RAB31: variants seen among roughly 807,000 people sequenced by gnomAD.
RAB31 encodes ras-related protein Rab-31.
A neutral mutation model predicts 25.6 loss-of-function variants in RAB31; 21 were observed. The ratio of observed to expected loss-of-function variants is 0.82; its 90% CI spans 0.58 to 1.18. The LOEUF (loss-of-function observed/expected upper bound fraction) is 1.18, where lower values mean the gene tolerates loss of function less well. RAB31 is among the 50% of genes most tolerant of loss of function. RAB31 has a pLI of 0.00. For missense variants in RAB31, 196 were observed against 250.1 expected, an observed-to-expected ratio of 0.78 and a Z score of 1.46; for synonymous variants, 87 against 84.0, an observed-to-expected ratio of 1.04 and a Z score of -0.20.
chr18:9,732,072 C>T (rs759349871), intron 1 of RAB31, among the ~76,000 whole-genome samples: 27 of 152,316 alleles, frequency 1.8e-4, no homozygotes, highest in Admixed American at 7.8e-4. Flanking sequence ...GGATGAGCAG[C>T]GAGAAACGAT....
Position 9,814,068 on chromosome 18 carries a change from A to G in RAB31, c.250A>G (p.Ile84Val), listed in dbSNP as rs1473744941. 6 of 1,588,992 alleles carry G rather than the reference A, an allele frequency of 3.8e-6. No homozygotes were observed. Among genetic ancestry groups the G allele is most frequent in the Non-Finnish European group, 5.2e-6 (6 of 1,162,982 alleles). Residue 84 changes from isoleucine to valine, a missense_variant, in exon 4 of 7, where the codon ATC (isoleucine) becomes GTC (valine). Ile to Val is a conservative substitution (Grantham distance 29). Transcript: ENST00000578921. ...CTATCGAGGCTCAGCTGCAGCTGTTATCGTGTATGATATTACCAAGCAGGT... is the reference window on the plus strand; with the variant it reads ...CTATCGAGGCTCAGCTGCAGCTGTTGTCGTGTATGATATTACCAAGCAGGT... The part of the protein sequence containing the change: ...MYYRGSAAAV[I>V]VYDITKQDSF...
intron 1 of RAB31, among the ~76,000 whole-genome samples, chr18:9,770,270 C>G (rs1326452843): frequency 1.3e-5 from 2 of 152,168 alleles, no homozygotes; most frequent in African/African-American, 2.4e-5. Context: ...ATGTTAGCAG[C>G]TCCTCCTTGT....
chr18:9,805,463 T>C (rs2068535485), intron 3 of RAB31, among the ~76,000 whole-genome samples: 1 of 152,030 alleles, frequency 6.6e-6, no homozygotes, highest in South Asian at 2.1e-4. Context: ...ATTTTAAATC[T>C]CTCTCCCACT....
At position 9,857,711 on chromosome 18, in the gene RAB31, GAT is replaced by G. The variant is rs2068825762; in HGVS notation, c.491-1515_491-1514del. 1.2e-4 allele frequency among the ~76,000 whole-genome samples: 18 copies of G among 151,180 alleles called. No individual in the cohort carries two copies. In the East Asian group the frequency reaches 3.5e-3, roughly 29 times the overall value. Reference sequence around the variant, plus strand: ...TGATAGATAGATAGATAGATAGATAGATAGATAGATAGATAGATATAGATATT... The same window carrying G: ...TGATAGATAGATAGATAGATAGATAGAGATAGATAGATAGATATAGATATT... On this transcript the variant is annotated intron_variant, in intron 6 of 6. Transcript: ENST00000578921.
intron 2 of RAB31, among the ~76,000 whole-genome samples, chr18:9,779,511 G>A (rs2068391152): frequency 6.6e-6 from 1 of 152,332 alleles, no homozygotes; most frequent in South Asian, 2.1e-4. Context: ...TTTCACTGCT[G>A]GTTGCCAGCC....
intron 3 of RAB31, among the ~76,000 whole-genome samples, chr18:9,799,195 G>C (rs1364505152): frequency 2.0e-5 from 3 of 152,218 alleles, no homozygotes; most frequent in African/African-American, 7.2e-5. Context: ...GGGATTATAG[G>C]CGTGAGCCAC....
At chr18:9,764,187 A>AT (rs1442956089) in intron 1 of RAB31, among the ~76,000 whole-genome samples, 3 of 152,286 alleles carry the variant, frequency 2.0e-5, no homozygotes, top group Middle Eastern at 6.8e-3. Flanking sequence ...TGGAGTGGGG[A>AT]TTGCCTGTAC....
rs774315978 is a variant in RAB31, at chr18:9,845,803, G to A, written c.490+112G>A. ...AACTTTTCCTCTGTGTGAATTTATC[G>A]GATGCCATGGATACAAAATCTACAG... On this transcript the variant is annotated intron_variant, in intron 6 of 6. Transcript: ENST00000578921. 8.2e-4 allele frequency: 1,135 copies of A among 1,383,698 alleles called. 1 individual carries two copies. The highest frequency in any genetic ancestry group is 1.0e-3 in the Non-Finnish European group (1,091 of 1,064,712). 85.7% of individuals were successfully genotyped at this position (1,383,698 alleles called of 1,614,324 possible).
At chr18:9,798,392 T>C (rs951697095) in intron 3 of RAB31, among the ~76,000 whole-genome samples, 2 of 152,242 alleles carry the variant, frequency 1.3e-5, no homozygotes, top group African/African-American at 2.4e-5. Context: ...GTGCTTGTAA[T>C]GATGTTGCCT....
At chr18:9,796,037 A>G (rs1431964019) in intron 3 of RAB31, among the ~76,000 whole-genome samples, 2 of 152,238 alleles carry the variant, frequency 1.3e-5, no homozygotes, top group Non-Finnish European at 2.9e-5. Context: ...ACACCATACA[A>G]TACTACTGAA....
At chr18:9,756,661 T>C (rs796896203) in intron 1 of RAB31, among the ~76,000 whole-genome samples, 4 of 152,206 alleles carry the variant, frequency 2.6e-5, no homozygotes, top group East Asian at 1.9e-4. Context: ...CAAGCTGTCA[T>C]TGTGGAGTCT....
intron 1 of RAB31, among the ~76,000 whole-genome samples, chr18:9,736,588 A>G (rs2068152289): frequency 6.6e-6 from 1 of 152,196 alleles, no homozygotes; most frequent in Non-Finnish European, 1.5e-5. Context: ...AACTCTGTAC[A>G]TCAGAATAAT....
chr18:9,778,261 C>G (rs7229655), intron 2 of RAB31, among the ~76,000 whole-genome samples: 105,335 of 152,022 alleles, frequency 0.69, 37,352 homozygotes, highest in African/African-American at 0.85. Flanking sequence ...CTTGTGGTGG[C>G]AGGAGCCGTG....
At chr18:9,832,813 A>G (rs1169747980) in intron 5 of RAB31, among the ~76,000 whole-genome samples, 1 of 152,208 alleles carries the variant, frequency 6.6e-6, no homozygotes, top group Admixed American at 6.5e-5. Flanking sequence ...GGAAAAGCAG[A>G]CTTGCAATCC....
intron 1 of RAB31, among the ~76,000 whole-genome samples, chr18:9,709,587 GCT>G (rs894540279): frequency 3.9e-5 from 6 of 152,164 alleles, no homozygotes; most frequent in Admixed American, 2.0e-4. Flanking sequence ...CCTCCGGCAG[GCT>G]CCCATCATCG....
At chr18:9,813,889 A>G (rs980086378) in intron 3 of RAB31, 131 bp from the exon 4 acceptor site, 5 of 504,678 alleles carry the variant, frequency 9.9e-6, no homozygotes, top group African/African-American at 1.9e-5. Flanking sequence ...AATATGAACC[A>G]TGGAAAAATT....
At chr18:9,741,376 CAAAA>C (rs71169903) in intron 1 of RAB31, among the ~76,000 whole-genome samples, 1,644 of 31,104 alleles carry the variant, frequency 0.053, 26 homozygotes, top group African/African-American at 0.15. Context: ...AACTCCGTCT[CAAAA>C]AAAAAAAAAA....
chr18:9,748,620 C>T (rs540573801), intron 1 of RAB31, among the ~76,000 whole-genome samples: 13 of 152,158 alleles, frequency 8.5e-5, no homozygotes, highest in South Asian at 2.1e-4. Flanking sequence ...GGACCAGATG[C>T]GGTGGCTCAT....
chr18:9,748,838 C>T (rs967648223), intron 1 of RAB31, among the ~76,000 whole-genome samples: 2 of 151,844 alleles, frequency 1.3e-5, no homozygotes, highest in African/African-American at 4.8e-5. Flanking sequence ...TTGCAGTGAG[C>T]CGAGATTGCA....
Sources: gnomAD v4.1 joint callset for allele counts (sites outside exome capture counted in the v4.1 genomes callset) on GRCh38, gnomAD v4.1.1 for gene constraint, MANE v1.5 for transcripts, NCBI Gene and HGNC (gene_info 2026-07-23, HGNC 2026-07-21) for gene names.